The following ASIC2 variants were observed in gnomAD, a reference collection of about 807,000 sequenced individuals.
The protein encoded by ASIC2 is acid sensing ion channel subunit 2.
A neutral mutation model predicts 57.3 loss-of-function variants in ASIC2; 25 were observed. That is an observed-to-expected ratio of 0.44 (90% confidence interval 0.32 to 0.61). The LOEUF is 0.61. ASIC2 is among the 20% of genes least tolerant of loss of function. ASIC2 has a pLI of 0.06. For synonymous variants in ASIC2, 319 were observed against 307.5 expected, an observed-to-expected ratio of 1.04 and a Z score of -0.39; for missense variants, 641 against 738.1, an observed-to-expected ratio of 0.87 and a Z score of 1.52.
chr17:33,248,718 T>A (rs1321833363), intron 1 of ASIC2, among the ~76,000 whole-genome samples: 1 of 152,140 alleles, frequency 6.6e-6, no homozygotes, highest in Non-Finnish European at 1.5e-5. Context: ...CTCTCATCAA[T>A]CTCTATCTCC....
chr17:33,505,467 A>C (rs895605987), intron 1 of ASIC2, among the ~76,000 whole-genome samples: 1 of 152,066 alleles, frequency 6.6e-6, no homozygotes, highest in East Asian at 1.9e-4. Flanking sequence ...TTTATTGCCA[A>C]ATCTATAGAT....
intron 1 of ASIC2, among the ~76,000 whole-genome samples, chr17:33,229,846 C>T (rs188421107): frequency 5.3e-5 from 8 of 152,320 alleles, no homozygotes; most frequent in Admixed American, 2.6e-4. Flanking sequence ...CTGGCTGCTC[C>T]TGGAGGGAGT....
chr17:33,155,534 T>G (rs1463154245), intron 1 of ASIC2, among the ~76,000 whole-genome samples: 3 of 151,534 alleles, frequency 2.0e-5, no homozygotes, highest in Non-Finnish European at 4.4e-5. Flanking sequence ...CTTACTTTTT[T>G]TTTTTCTTTT....
At chr17:33,228,106 G>A (rs1567791295) in intron 1 of ASIC2, among the ~76,000 whole-genome samples, 1 of 152,200 alleles carries the variant, frequency 6.6e-6, no homozygotes, top group Non-Finnish European at 1.5e-5. Context: ...GGCACTCTTA[G>A]TGTTGTCAGC....
intron 1 of ASIC2, among the ~76,000 whole-genome samples, chr17:33,115,527 C>A (rs1197021101): frequency 6.6e-6 from 1 of 152,156 alleles, no homozygotes; most frequent in Non-Finnish European, 1.5e-5. Context: ...GCAAGCTCTT[C>A]CCCGCCAGGC....
chr17:33,407,095 T>C (rs1281111980), intron 1 of ASIC2, among the ~76,000 whole-genome samples: 1 of 152,240 alleles, frequency 6.6e-6, no homozygotes, highest in African/African-American at 2.4e-5. Flanking sequence ...TTCACTTGTA[T>C]AATGTAGATA....
intron 1 of ASIC2, among the ~76,000 whole-genome samples, chr17:33,613,174 G>A (rs1441541799): frequency 2.0e-5 from 3 of 152,098 alleles, no homozygotes; most frequent in Non-Finnish European, 2.9e-5. Flanking sequence ...CATGGACTAC[G>A]ATTTCCCGGA....
At chr17:33,214,075 A>ATCTT (rs1907381918) in intron 1 of ASIC2, among the ~76,000 whole-genome samples, 1 of 152,140 alleles carries the variant, frequency 6.6e-6, no homozygotes, top group Non-Finnish European at 1.5e-5. Flanking sequence ...GTTCTTGTCC[A>ATCTT]TCTCTCGTGC....
At chr17:33,784,015 G>A (rs955491188) in intron 1 of ASIC2, among the ~76,000 whole-genome samples, 2 of 152,330 alleles carry the variant, frequency 1.3e-5, no homozygotes, top group South Asian at 2.1e-4. Flanking sequence ...AGCTCTGCCT[G>A]TGGGTGGAAT....
At chr17:33,950,089 A>G (rs1355187058) in intron 1 of ASIC2, among the ~76,000 whole-genome samples, 3 of 152,228 alleles carry the variant, frequency 2.0e-5, no homozygotes, top group African/African-American at 7.2e-5. Context: ...AGAGGGCTCT[A>G]AGAGGTTGAA....
intron 1 of ASIC2, among the ~76,000 whole-genome samples, chr17:34,045,992 G>A (rs757733833): frequency 6.6e-6 from 1 of 152,164 alleles, no homozygotes; most frequent in Non-Finnish European, 1.5e-5. Flanking sequence ...CCCTCTTGGA[G>A]TCCTGCACCA....
chr17:33,333,118 G>A (rs1388014664), intron 1 of ASIC2, among the ~76,000 whole-genome samples: 9 of 152,294 alleles, frequency 5.9e-5, no homozygotes, highest in Middle Eastern at 6.8e-3. Flanking sequence ...CTTTGGCAGG[G>A]TGATTGGAGA....
chr17:34,091,144 C>T (rs540476579), intron 1 of ASIC2, among the ~76,000 whole-genome samples: 1 of 152,212 alleles, frequency 6.6e-6, no homozygotes, highest in African/African-American at 2.4e-5. Flanking sequence ...AAGATCAAGA[C>T]CCCCTTGGTA....
chr17:33,512,366 T>C (rs1401073396), intron 1 of ASIC2, among the ~76,000 whole-genome samples: 1 of 152,208 alleles, frequency 6.6e-6, no homozygotes, highest in African/African-American at 2.4e-5. Flanking sequence ...TGGACCAGGT[T>C]CCAAGGCTAG....
intron 1 of ASIC2, among the ~76,000 whole-genome samples, chr17:34,064,752 CA>C: frequency 6.6e-6 from 1 of 152,084 alleles, no homozygotes; most frequent in Non-Finnish European, 1.5e-5. Flanking sequence ...AGAAGATACA[CA>C]AATGCCCAAC....
At chr17:33,127,183 A>T (rs2092327021) in intron 1 of ASIC2, among the ~76,000 whole-genome samples, 1 of 151,812 alleles carries the variant, frequency 6.6e-6, no homozygotes, top group Admixed American at 6.6e-5. Flanking sequence ...CCCTACCATT[A>T]CTCTTGTTGC....
chr17:33,649,914 G>A (rs915019472), intron 1 of ASIC2, among the ~76,000 whole-genome samples: 5 of 152,126 alleles, frequency 3.3e-5, no homozygotes, highest in Admixed American at 6.5e-5. Context: ...ACTATGAAAC[G>A]TAGAAAAAAT....
chr17:33,056,047 A>G (rs1405648034), intron 3 of ASIC2, among the ~76,000 whole-genome samples: 2 of 152,246 alleles, frequency 1.3e-5, no homozygotes, highest in African/African-American at 4.8e-5. Context: ...TGCTGGAGCT[A>G]GGTTGAGAAC....
chr17:33,491,439 C>G (rs1456635519), intron 1 of ASIC2, among the ~76,000 whole-genome samples: 1 of 152,214 alleles, frequency 6.6e-6, no homozygotes, highest in Non-Finnish European at 1.5e-5. Context: ...CGAAAACTTT[C>G]CATACATTGG....
Sources: gnomAD v4.1 joint callset for allele counts (sites outside exome capture counted in the v4.1 genomes callset) on GRCh38, gnomAD v4.1.1 for gene constraint, MANE v1.5 for transcripts, NCBI Gene and HGNC (gene_info 2026-07-23, HGNC 2026-07-21) for gene names.